Variants in NACC1 observed in about 807,000 individuals in gnomAD.
NACC1 encodes nucleus accumbens associated 1.
NACC1 carries 6 observed loss-of-function variants against 41.7 expected under a neutral mutation model. The observed-to-expected ratio is 0.14, with a 90% CI of 0.08 to 0.28. The LOEUF is 0.28. Among genes scored for constraint, NACC1 ranks in the 10% least tolerant of loss-of-function variants. NACC1 has a pLI of 1.00. For synonymous variants in NACC1, 338 were observed against 330.6 expected (o/e 1.02, Z -0.24); for missense variants, 434 against 763.7 (o/e 0.57, Z 5.09).
intron 1 of NACC1, among the ~76,000 whole-genome samples, chr19:13,119,023 A>C (rs552561198): frequency 6.3e-4 from 87 of 137,182 alleles, no homozygotes; most frequent in South Asian, 2.8e-3. Flanking sequence ...GGCGGATAGG[A>C]GATCCCAGAG....
In NACC1 at chr19:13,118,413, G is replaced by C. The variant is rs1484132826; in HGVS notation, c.-50G>C. 1 of 148,316 alleles carries C rather than the reference G, an allele frequency of 6.7e-6. No homozygotes were observed. Among genetic ancestry groups the C allele is most frequent in the Non-Finnish European group, 1.5e-5 (1 of 66,750 alleles). The allele number at this position is 148,316 out of a possible 1,614,324, so 9.2% of individuals were successfully genotyped here. A position where few individuals can be genotyped will look rare whatever the true frequency, so the allele number is the denominator to read the frequency against. The stretch of plus-strand genomic sequence containing the variant: ...CCCAGGCCCGGCCCCAGCCGCCGCT[G>C]CGGAGCCCGCCGGGACCCCCCGGAG... On this transcript the variant is annotated 5_prime_UTR_variant, in exon 1 of 6. Transcript: ENST00000292431.
Position 13,138,412 on chromosome 19 carries a change from C to T in NACC1, c.*6C>T, listed in dbSNP as rs759549048. On this transcript the variant is annotated 3_prime_UTR_variant, in exon 6 of 6. Coordinates refer to ENST00000292431, the MANE Select transcript of NACC1 (RefSeq NM_052876.4). The surrounding 1 kb of genome is among the most constrained non-coding windows in gnomAD (Gnocchi z 5.7). ...CGGCTGAAGCCCTGCAGTAACCCGC[C>T]CAGCCTCCCGCGGGGCCACACACTT... The T allele has an allele frequency of 1.9e-6, 3 of 1,608,370 alleles. No homozygotes were observed. Among genetic ancestry groups the T allele is most frequent in the Non-Finnish European group, 2.5e-6 (3 of 1,179,338 alleles).
chr19:13,135,924 A>G lies in NACC1; in HGVS notation c.717A>G (p.Ala239=), dbSNP rs2019698651. 1 of 1,579,316 alleles carries G rather than the reference A, an allele frequency of 6.3e-7. No homozygotes were observed. Among genetic ancestry groups the G allele is most frequent in the East Asian group, 2.3e-5 (1 of 43,478 alleles). The stretch of plus-strand genomic sequence containing the variant: ...CCCAGCCCGCCGTGGCTGCGGGAGC[A>G]GGGCAGCCAGCCGGTGGGGTGGCAG... ...AAAQPAVAAG[A]GQPAGGVAAA... The change falls in exon 2 of 6, where the codon GCA becomes GCG. Residue 239 remains alanine, a synonymous_variant. Transcript: ENST00000292431.
intron 1 of NACC1, among the ~76,000 whole-genome samples, chr19:13,130,472 G>C (rs1019444721): frequency 1.3e-5 from 2 of 151,540 alleles, no homozygotes; most frequent in African/African-American, 2.4e-5. Flanking sequence ...CAGAATGTTT[G>C]CCTTCATTGA....
Position 13,138,972 on chromosome 19 carries a change from C to G in NACC1, c.*566C>G, listed in dbSNP as rs1198706912. 1 of 153,722 alleles carries G rather than the reference C, an allele frequency of 6.5e-6. No homozygotes were observed. Among genetic ancestry groups the G allele is most frequent in the African/African-American group, 2.4e-5 (1 of 41,394 alleles). 9.5% of individuals were successfully genotyped at this position (153,722 alleles called of 1,614,324 possible). A position where few individuals can be genotyped will look rare whatever the true frequency, so the allele number is the denominator to read the frequency against. On this transcript the variant is annotated 3_prime_UTR_variant, in exon 6 of 6. Transcript: ENST00000292431. This position sits in a 1 kb window ranked among gnomAD's most constrained non-coding sequence, Gnocchi z 5.7. The stretch of plus-strand genomic sequence containing the variant: ...ATTTTATAGCTGGGGAAACAGGCTC[C>G]GAGAAATTGCACAACCGACCTCAGG...
intron 1 of NACC1, among the ~76,000 whole-genome samples, chr19:13,130,247 T>G (rs1217959784): frequency 6.6e-6 from 1 of 152,056 alleles, no homozygotes; most frequent in Non-Finnish European, 1.5e-5. Context: ...CCACTAATTT[T>G]AAAATTTTTT....
In NACC1 at chr19:13,135,207, C is replaced by T. The variant is rs974119577; in HGVS notation, c.-1C>T. ...TCCCTGCCCCTCGTGCAGCCGCTGC[C>T]ATGGCCCAGACACTGCAGATGGAGA... On this transcript the variant is annotated 5_prime_UTR_variant, in exon 2 of 6. Transcript: ENST00000292431. 5 of 1,579,094 alleles carry T rather than the reference C, an allele frequency of 3.2e-6. No homozygotes were observed. The Admixed American group carries it at 5.5e-5, about 17-fold the overall frequency.
In NACC1 at chr19:13,137,330, C is replaced by T. The variant is rs146131893; in HGVS notation, c.1180C>T (p.Arg394Trp). The T allele has an allele frequency of 1.2e-6, 2 of 1,613,842 alleles. No homozygotes were observed. Among genetic ancestry groups the T allele is most frequent in the Non-Finnish European group, 1.7e-6 (2 of 1,180,002 alleles). Residue 394 changes from arginine (R) to tryptophan (W), a missense_variant, in exon 4 of 6, where the codon CGG (arginine) becomes TGG (tryptophan). By Grantham distance (101) the Arg-to-Trp change is moderately radical. Coordinates refer to ENST00000292431, the MANE Select transcript of NACC1 (RefSeq NM_052876.4). This position sits in a 1 kb window ranked among gnomAD's most constrained non-coding sequence, Gnocchi z 6.1. Reference sequence around the variant, plus strand: ...GAACTGCCACGTCAGCGCAGGCACGCGGCACAAGGTCCTACTGCGGCGGCT... The same window carrying T: ...GAACTGCCACGTCAGCGCAGGCACGTGGCACAAGGTCCTACTGCGGCGGCT... The part of the protein sequence containing the change: ...LMNCHVSAGT[R>W]HKVLLRRLLA...
chr19:13,119,828 C>G (rs2019466371), intron 1 of NACC1, among the ~76,000 whole-genome samples: 1 of 152,198 alleles, frequency 6.6e-6, no homozygotes, highest in Admixed American at 6.5e-5. Context: ...GCCGAGCTCG[C>G]TGGTCGGATG....
Position 13,137,432 on chromosome 19 carries a change from C to A in NACC1, c.1227-46C>A, listed in dbSNP as rs367990402. The A allele has an allele frequency of 1.2e-4, 186 of 1,611,442 alleles. 1 individual carries two copies. Among genetic ancestry groups the A allele is most frequent in the Non-Finnish European group, 1.4e-4 (165 of 1,178,516 alleles). On this transcript the variant is annotated intron_variant, in intron 4 of 5. Coordinates refer to ENST00000292431, the MANE Select transcript of NACC1 (RefSeq NM_052876.4). The surrounding 1 kb of genome is among the most constrained non-coding windows in gnomAD (Gnocchi z 6.1). ...GGGTGGGGTTTCCCCATGTCCCCCCCACCACCAACTTGAGCGCTGACTCCC... is the reference window on the plus strand; with the variant it reads ...GGGTGGGGTTTCCCCATGTCCCCCCAACCACCAACTTGAGCGCTGACTCCC...
chr19:13,119,813 C>T (rs1462282656), intron 1 of NACC1, among the ~76,000 whole-genome samples: 1 of 152,198 alleles, frequency 6.6e-6, no homozygotes, highest in African/African-American at 2.4e-5. Context: ...TGGGCCAGGC[C>T]CTGTGCCGAG....
intron 1 of NACC1, among the ~76,000 whole-genome samples, chr19:13,121,844 C>A (rs1040148384): frequency 6.6e-6 from 1 of 152,154 alleles, no homozygotes; most frequent in Non-Finnish European, 1.5e-5. Flanking sequence ...CATTTAAGCC[C>A]GTGGCTAGCA....
chr19:13,122,698 G>A (rs559832332), intron 1 of NACC1, among the ~76,000 whole-genome samples: 81 of 152,274 alleles, frequency 5.3e-4, no homozygotes, highest in Middle Eastern at 3.4e-3. Context: ...AGAGGTTGGC[G>A]TCTGGGGTGT....
At chr19:13,119,387 A>G (rs1181954560) in intron 1 of NACC1, among the ~76,000 whole-genome samples, 1 of 152,180 alleles carries the variant, frequency 6.6e-6, no homozygotes, top group Non-Finnish European at 1.5e-5. Flanking sequence ...AGCTGGAGAC[A>G]GTCTGGAACA....
At position 13,136,088 on chromosome 19, in the gene NACC1, A is replaced by G. The variant is rs1285002764; in HGVS notation, c.881A>G (p.Asp294Gly). Residue 294 changes from aspartate to glycine, a missense_variant, in exon 2 of 6, where the codon GAT becomes GGT. Around this residue, in one of 4 missense-constraint regions of NACC1, gnomAD observed 234 missense variants for 308.3 expected, o/e 0.76. Coordinates refer to ENST00000292431, the MANE Select transcript of NACC1 (RefSeq NM_052876.4). The surrounding 1 kb of genome is among the most constrained non-coding windows in gnomAD (Gnocchi z 5.5). The stretch of plus-strand genomic sequence containing the variant: ...GAGGATGGTGGCGAGGAGGGCATGG[A>G]TGAGCAGTACCGGCAGATCTGCAAC... ...EEEDGGEEGM[D>G]EQYRQICNMY... The G allele has an allele frequency of 6.2e-7, 1 of 1,614,092 alleles. No homozygotes were observed. The highest frequency in any genetic ancestry group is 8.5e-7 in the Non-Finnish European group (1 of 1,180,006).
At chr19:13,117,977 T>C (rs755655319), upstream of NACC1, 1 of 152,252 alleles carries the variant, frequency 6.6e-6, no homozygotes, top group Non-Finnish European at 1.5e-5. Flanking sequence ...GCAGTCATTA[T>C]TGTTTTTGTT....
At chr19:13,132,463 C>G (rs2019646185) in intron 1 of NACC1, 1 of 151,826 alleles carries the variant, frequency 6.6e-6, no homozygotes, top group Non-Finnish European at 1.5e-5. Flanking sequence ...TCATCCCGCC[C>G]TTCAGGACAT....
chr19:13,125,312 AG>A (rs2019548127), intron 1 of NACC1, among the ~76,000 whole-genome samples: 1 of 152,196 alleles, frequency 6.6e-6, no homozygotes, highest in African/African-American at 2.4e-5. Flanking sequence ...GTATCTGCAC[AG>A]GGTGGCAAGG....
intron 1 of NACC1, among the ~76,000 whole-genome samples, chr19:13,127,942 G>A (rs998423018): frequency 1.3e-5 from 2 of 152,202 alleles, no homozygotes; most frequent in Non-Finnish European, 2.9e-5. Context: ...CCGAGAGCAA[G>A]CAGGGCCAGA....
Sources: gnomAD v4.1 joint callset for allele counts (sites outside exome capture counted in the v4.1 genomes callset) on GRCh38, gnomAD v4.1.1 for gene constraint, gnomAD v4.1.1 regional missense constraint, Gnocchi (gnomAD v3.1) non-coding constraint, MANE v1.5 for transcripts, NCBI Gene and HGNC (gene_info 2026-07-23, HGNC 2026-07-21) for gene names.